SLC39A10: variants seen among roughly 807,000 people sequenced by gnomAD.
The protein encoded by SLC39A10 is solute carrier family 39 member 10, also known as zinc transporter ZIP10.
Under a neutral mutation model 65.1 loss-of-function variants are expected in SLC39A10, and 13 were observed. That is an observed-to-expected ratio of 0.20 (90% confidence interval 0.13 to 0.32). SLC39A10 has a LOEUF of 0.32. Among genes scored for constraint, SLC39A10 ranks in the 10% least tolerant of loss-of-function variants. SLC39A10 has a pLI of 1.00. For missense variants in SLC39A10, 831 were observed against 1,018.4 expected (o/e 0.82, Z 2.50); for synonymous variants, 321 against 342.2 (o/e 0.94, Z 0.68).
At chr2:195,696,155 GC>G (rs1574282462) in intron 3 of SLC39A10, among the ~76,000 whole-genome samples, 1 of 151,944 alleles carries the variant, frequency 6.6e-6, no homozygotes, top group East Asian at 1.9e-4. Context: ...CTGTTTTTAT[GC>G]CGTTACTGAA....
intron 1 of SLC39A10, among the ~76,000 whole-genome samples, chr2:195,662,946 C>G (rs1302500552): frequency 6.6e-6 from 1 of 152,174 alleles, no homozygotes; most frequent in African/African-American, 2.4e-5. Context: ...AGTAGAGAAG[C>G]TTTTTGTCTC....
intron 6 of SLC39A10, among the ~76,000 whole-genome samples, chr2:195,715,144 A>C (rs1028938577): frequency 6.6e-6 from 1 of 152,244 alleles, no homozygotes; most frequent in Non-Finnish European, 1.5e-5. Context: ...TTCCTATAAT[A>C]GCTGATTTTA....
At chr2:195,623,941 C>T (rs1206957582) in intron 2 of SLC39A10, among the ~76,000 whole-genome samples, 4 of 131,096 alleles carry the variant, frequency 3.1e-5, no homozygotes, top group Non-Finnish European at 6.4e-5. Flanking sequence ...ACACACACAC[C>T]GTCTTAGATA....
intron 9 of SLC39A10, among the ~76,000 whole-genome samples, chr2:195,733,535 T>C (rs1692491326): frequency 6.6e-6 from 1 of 152,202 alleles, no homozygotes; most frequent in Non-Finnish European, 1.5e-5. Flanking sequence ...AACTTTTCTT[T>C]TCTTTTTTTT....
At chr2:195,676,054 C>T (rs534702974) in intron 1 of SLC39A10, among the ~76,000 whole-genome samples, 5 of 152,018 alleles carry the variant, frequency 3.3e-5, no homozygotes, top group African/African-American at 1.2e-4. Flanking sequence ...TCATAGTTGT[C>T]TATGTAGTAG....
chr2:195,702,336 T>G (rs1691223497), intron 3 of SLC39A10, among the ~76,000 whole-genome samples: 1 of 152,168 alleles, frequency 6.6e-6, no homozygotes, highest in South Asian at 2.1e-4. Context: ...GTAGATTGAA[T>G]TCAGGACACC....
intron 5 of SLC39A10, among the ~76,000 whole-genome samples, chr2:195,709,481 C>T (rs1192658971): frequency 1.3e-5 from 2 of 152,098 alleles, no homozygotes; most frequent in Non-Finnish European, 2.9e-5. Context: ...ATCCACCTGC[C>T]TTAGCCTCCC....
intron 2 of SLC39A10, among the ~76,000 whole-genome samples, chr2:195,682,775 T>C (rs1690374779): frequency 6.6e-6 from 1 of 151,988 alleles, no homozygotes; most frequent in Non-Finnish European, 1.5e-5. Flanking sequence ...TCAATACTTT[T>C]AATAGAGTAG....
intron 1 of SLC39A10, among the ~76,000 whole-genome samples, chr2:195,667,056 T>G (rs1162782612): frequency 6.6e-6 from 1 of 152,230 alleles, no homozygotes; most frequent in Admixed American, 6.5e-5. Context: ...TGTTGTTGAT[T>G]GATTTGATAC....
chr2:195,674,609 G>A, intron 1 of SLC39A10: 1 of 985,078 alleles, frequency 1.0e-6, no homozygotes, highest in Non-Finnish European at 1.2e-6. Context: ...TTTTTCTTGA[G>A]GCCTCTTATT....
chr2:195,692,760 G>A lies in SLC39A10; in HGVS notation c.1216+8854G>A, dbSNP rs115105691. Among the ~76,000 whole-genome samples the A allele has an allele frequency of 4.5e-3, 688 of 152,108 alleles. 9 individuals carry two copies. Among genetic ancestry groups the A allele is most frequent in the African/African-American group, 0.016 (654 of 41,496 alleles). ...AGTCTTTAGGGTTTTCTAGGTACACGATCATATCAGGAAACAGTGACAGTT... is the reference window on the plus strand; with the variant it reads ...AGTCTTTAGGGTTTTCTAGGTACACAATCATATCAGGAAACAGTGACAGTT... On this transcript the variant is annotated intron_variant, in intron 3 of 9. Transcript: ENST00000359634.
chr2:195,710,999 TAGG>T (rs1022076714), intron 5 of SLC39A10, among the ~76,000 whole-genome samples: 6 of 151,800 alleles, frequency 4.0e-5, no homozygotes, highest in African/African-American at 1.2e-4. Flanking sequence ...GCAGAAGAAA[TAGG>T]AGAGGAAAAG....
At position 195,650,781 on chromosome 2, in the gene SLC39A10, A is replaced by C. The variant is rs748595696; in HGVS notation, c.-11-29251A>C. Among the ~76,000 whole-genome samples the C allele has an allele frequency of 3.2e-4, 48 of 152,168 alleles. 1 individual carries two copies. Among genetic ancestry groups the C allele is most frequent in the Non-Finnish European group, 5.0e-4 (34 of 68,024 alleles). On this transcript the variant is annotated intron_variant, in intron 2 of 2. Transcript: ENST00000458054. ...ACCAATTCAGAATGATCTCAGGCGC[A>C]TCAGACAAGTTTGTCCCTCACCAGA... is the stretch of plus-strand genomic sequence containing the variant.
At chr2:195,645,362 A>G (rs1184691628) in intron 2 of SLC39A10, among the ~76,000 whole-genome samples, 1 of 152,228 alleles carries the variant, frequency 6.6e-6, no homozygotes. Context: ...TATTTAAAAT[A>G]TAGGGAGAGT....
At position 195,679,370 on chromosome 2, in the gene SLC39A10, CTGTT is replaced by C. The variant is rs1300912358; in HGVS notation, c.-11-657_-11-654del. On this transcript the variant is annotated intron_variant, in intron 1 of 9. Coordinates refer to ENST00000359634, the MANE Select transcript of SLC39A10 (RefSeq NM_020342.3). ...AGCTTTTGTCTTCTGTTCCTTTAGT[CTGTT>C]TGTTATTGCACCAAATACCACAGCA... 9.9e-5 allele frequency among the ~76,000 whole-genome samples: 15 copies of C among 152,284 alleles called. No homozygotes were observed. The East Asian group carries it at 2.3e-3, about 24-fold the overall frequency.
At chr2:195,661,968 A>C (rs1053455432) in intron 1 of SLC39A10, among the ~76,000 whole-genome samples, 2 of 152,182 alleles carry the variant, frequency 1.3e-5, no homozygotes, top group African/African-American at 2.4e-5. Flanking sequence ...ATTTCTAATC[A>C]ATTTTACCCT....
At chr2:195,668,205 G>A (rs992987094) in intron 1 of SLC39A10, among the ~76,000 whole-genome samples, 15 of 152,202 alleles carry the variant, frequency 9.9e-5, no homozygotes, top group Non-Finnish European at 1.5e-5. Context: ...TTGCTGTCAA[G>A]ATAAAGTTTG....
chr2:195,688,251 T>C (rs1190583351), intron 3 of SLC39A10, among the ~76,000 whole-genome samples: 1 of 152,216 alleles, frequency 6.6e-6, no homozygotes, highest in Non-Finnish European at 1.5e-5. Flanking sequence ...TTATACCAAA[T>C]GAATTGTGAT....
chr2:195,647,157 C>G (rs1214901040), intron 2 of SLC39A10, among the ~76,000 whole-genome samples: 1 of 152,108 alleles, frequency 6.6e-6, no homozygotes, highest in Non-Finnish European at 1.5e-5. Flanking sequence ...CCATCTCCAG[C>G]CTTTGTACCC....
Sources: allele counts gnomAD v4.1 joint callset (sites outside exome capture counted in the v4.1 genomes callset), GRCh38; gene constraint gnomAD v4.1.1; transcripts MANE v1.5; gene names NCBI Gene and HGNC (gene_info 2026-07-23, HGNC 2026-07-21).